The following RAD51B variants were observed in gnomAD, a reference collection of about 807,000 sequenced individuals.
RAD51B encodes the protein RAD51 paralog B, also known as DNA repair protein RAD51 homolog 2.
In RAD51B, 38 loss-of-function variants were observed where a neutral mutation model predicts 42.2. The ratio of observed to expected loss-of-function variants is 0.90; its 90% confidence interval spans 0.70 to 1.18. RAD51B has a LOEUF of 1.18. Among genes scored for constraint, RAD51B ranks in the 50% most tolerant of loss-of-function variants. The pLI is 0.00. For synonymous variants in RAD51B, 154 were observed against 145.2 expected (o/e 1.06, Z -0.43); for missense variants, 373 against 400.7 (o/e 0.93, Z 0.59).
intron 8 of RAD51B, among the ~76,000 whole-genome samples, chr14:68,367,011 T>G (rs758316998): frequency 2.0e-5 from 3 of 152,232 alleles, no homozygotes; most frequent in Non-Finnish European, 4.4e-5. Flanking sequence ...ATAAATGAGC[T>G]TCAGGCAGCT....
chr14:67,829,015 G>A (rs530681521), intron 3 of RAD51B, among the ~76,000 whole-genome samples: 13 of 152,250 alleles, frequency 8.5e-5, no homozygotes, highest in African/African-American at 2.6e-4. Flanking sequence ...TTAAAATTCT[G>A]TGAAGAATGT....
At chr14:67,885,590 A>G (rs1265511232) in intron 5 of RAD51B, 3 of 205,476 alleles carry the variant, frequency 1.5e-5, no homozygotes, top group Non-Finnish European at 2.9e-5. Flanking sequence ...TACAAAAAAC[A>G]TATTTAATCC....
chr14:67,824,831 C>T (rs1216749458), intron 2 of RAD51B, among the ~76,000 whole-genome samples: 1 of 151,598 alleles, frequency 6.6e-6, no homozygotes, highest in African/African-American at 2.4e-5. Flanking sequence ...GTAATCCCAG[C>T]ACTTTGGGAG....
chr14:68,560,411 G>C (rs1889082924), intron 10 of RAD51B, among the ~76,000 whole-genome samples: 1 of 152,116 alleles, frequency 6.6e-6, no homozygotes. Context: ...CTGGGGACTT[G>C]GGGGCTGCTG....
intron 10 of RAD51B, among the ~76,000 whole-genome samples, chr14:68,639,781 GTTTTGTT>G (rs375276876): frequency 3.3e-5 from 5 of 152,014 alleles, no homozygotes; most frequent in African/African-American, 9.6e-5. Context: ...TTTTTTTGTT[GTTTTGTT>G]TTTTGTTTTT....
At chr14:68,523,093 G>A (rs1158319823) in intron 10 of RAD51B, among the ~76,000 whole-genome samples, 1 of 152,174 alleles carries the variant, frequency 6.6e-6, no homozygotes, top group Non-Finnish European at 1.5e-5. Flanking sequence ...GTACATATTT[G>A]AGGAATTTTT....
At chr14:68,633,178 C>G (rs1476345019) in intron 10 of RAD51B, among the ~76,000 whole-genome samples, 1 of 151,556 alleles carries the variant, frequency 6.6e-6, no homozygotes, top group African/African-American at 2.4e-5. Context: ...CTAAACTGCT[C>G]TCCACACAAG....
intron 7 of RAD51B, among the ~76,000 whole-genome samples, chr14:68,077,112 A>G (rs962963873): frequency 4.6e-5 from 7 of 152,200 alleles, no homozygotes. Context: ...GGTGGTAGGG[A>G]TGGGCTTTTT....
rs543222174 is a variant in RAD51B at position 67,922,052 on chromosome 14, A to G, written c.756+34848A>G. 2.6e-5 allele frequency among the ~76,000 whole-genome samples: 4 copies of G among 152,354 alleles called. No homozygotes were observed. The South Asian group carries it at 8.3e-4, about 32-fold the overall frequency. On this transcript the variant is annotated intron_variant, in intron 7 of 10. Coordinates refer to ENST00000471583, the MANE Select transcript of RAD51B (RefSeq NM_133510.4). ...TGCTTTCAGTTTCTGCAGCTCAGCA[A>G]GCGTCCAGCTTTGGATCAAGTTGCC...
chr14:67,943,392 G>A (rs1437329706), intron 7 of RAD51B, among the ~76,000 whole-genome samples: 2 of 152,090 alleles, frequency 1.3e-5, no homozygotes, highest in East Asian at 3.9e-4. Flanking sequence ...ATTAACTGGA[G>A]ATTTCCCTAA....
intron 10 of RAD51B, among the ~76,000 whole-genome samples, chr14:68,587,954 C>A (rs569827403): frequency 1.3e-5 from 2 of 152,294 alleles, no homozygotes; most frequent in East Asian, 3.9e-4. Context: ...CTCCTATAAA[C>A]GCGGGCCTGG....
At chr14:68,380,754 G>A (rs564566610) in intron 8 of RAD51B, among the ~76,000 whole-genome samples, 4 of 152,262 alleles carry the variant, frequency 2.6e-5, no homozygotes, top group African/African-American at 9.6e-5. Flanking sequence ...CAATCTTAGG[G>A]TTCTCACTAT....
chr14:68,074,728 C>T (rs1002299595), intron 7 of RAD51B, among the ~76,000 whole-genome samples: 1 of 152,164 alleles, frequency 6.6e-6, no homozygotes, highest in Non-Finnish European at 1.5e-5. Context: ...TTTAGAGGGC[C>T]GAGGCTTTGT....
chr14:68,513,354 C>A (rs998417472), intron 10 of RAD51B, among the ~76,000 whole-genome samples: 26 of 152,158 alleles, frequency 1.7e-4, no homozygotes, highest in Non-Finnish European at 3.4e-4. Flanking sequence ...CTACCTCTAC[C>A]AATTAGTGTT....
intron 5 of RAD51B, among the ~76,000 whole-genome samples, chr14:67,880,591 A>G (rs1186006510): frequency 1.3e-5 from 2 of 152,216 alleles, no homozygotes; most frequent in African/African-American, 2.4e-5. Context: ...CCTTGAGCAA[A>G]TGTAGAAGAT....
chr14:68,526,455 T>C (rs1398327610), intron 10 of RAD51B, among the ~76,000 whole-genome samples: 1 of 152,240 alleles, frequency 6.6e-6, no homozygotes, highest in Non-Finnish European at 1.5e-5. Context: ...GTATTATACG[T>C]CCAGCAATTG....
At chr14:68,673,488 C>A (rs1347262789) in intron 11 of RAD51B, among the ~76,000 whole-genome samples, 1 of 150,488 alleles carries the variant, frequency 6.6e-6, no homozygotes, top group African/African-American at 2.4e-5. Flanking sequence ...CACACATGCA[C>A]ATACTGTACA....
chr14:68,494,355 T>A lies in RAD51B; in HGVS notation c.1036+26105T>A, dbSNP rs1884334363. Among the ~76,000 whole-genome samples, 3 of 152,162 alleles carry A rather than the reference T, an allele frequency of 2.0e-5. 1 individual carries two copies. In the South Asian group the frequency reaches 6.2e-4, roughly 32 times the overall value. On this transcript the variant is annotated intron_variant, in intron 10 of 10. Transcript: ENST00000487270. Reference sequence around the variant, plus strand: ...AAAAGGGTGGGGGTAGTTCTTCGGTTTTGTGACTATCCTGTGTACTGGAGG... The same window carrying A: ...AAAAGGGTGGGGGTAGTTCTTCGGTATTGTGACTATCCTGTGTACTGGAGG...
At chr14:68,182,571 A>G (rs1275261495) in intron 7 of RAD51B, among the ~76,000 whole-genome samples, 1 of 152,202 alleles carries the variant, frequency 6.6e-6, no homozygotes, top group Non-Finnish European at 1.5e-5. Flanking sequence ...TTGCACATGC[A>G]TACACGTGTG....
Sources: allele counts gnomAD v4.1 joint callset (sites outside exome capture counted in the v4.1 genomes callset), GRCh38; gene constraint gnomAD v4.1.1; transcripts MANE v1.5; gene names NCBI Gene and HGNC (gene_info 2026-07-23, HGNC 2026-07-21).